The following STPG2 variants were observed in gnomAD, a reference collection of about 807,000 sequenced individuals.
STPG2 encodes the protein sperm-tail PG-rich repeat-containing protein 2.
Under a neutral mutation model 54.2 loss-of-function variants are expected in STPG2, and 56 were observed. The observed-to-expected ratio is 1.03, with a 90% CI of 0.83 to 1.29. STPG2 has a LOEUF of 1.29. Ranked by LOEUF, STPG2 falls within the 50% of genes most tolerant of loss-of-function variation. The probability of loss-of-function intolerance (pLI) is 0.00; values close to 1 mark genes in which losing one functional copy is unlikely to be tolerated. For synonymous variants in STPG2, 200 were observed against 181.8 expected (o/e 1.10, Z -0.81); for missense variants, 596 against 544.9 (o/e 1.09, Z -0.93).
intron 4 of STPG2, among the ~76,000 whole-genome samples, chr4:97,467,346 A>G (rs1383832976): frequency 6.6e-6 from 1 of 151,916 alleles, no homozygotes; most frequent in Non-Finnish European, 1.5e-5. Context: ...TAAATTCTTA[A>G]TCATATATTA....
At chr4:98,036,772 TG>T (rs1399409117) in intron 5 of STPG2, among the ~76,000 whole-genome samples, 1 of 152,068 alleles carries the variant, frequency 6.6e-6, no homozygotes. Context: ...AGTTTACCTA[TG>T]TAACAAACCT....
intron 9 of STPG2, among the ~76,000 whole-genome samples, chr4:97,724,759 G>C (rs765243115): frequency 6.6e-6 from 1 of 152,110 alleles, no homozygotes; most frequent in Non-Finnish European, 1.5e-5. Context: ...AGAAGGTGTG[G>C]TAATAGTAGG....
intron 6 of STPG2, among the ~76,000 whole-genome samples, chr4:97,975,580 A>G (rs941034833): frequency 6.6e-6 from 1 of 152,146 alleles, no homozygotes; most frequent in Non-Finnish European, 1.5e-5. Context: ...AAATACTTAA[A>G]CATTTGAGTA....
At chr4:98,077,952 T>C (rs2110113394) in intron 5 of STPG2, among the ~76,000 whole-genome samples, 1 of 152,310 alleles carries the variant, frequency 6.6e-6, no homozygotes, top group South Asian at 2.1e-4. Context: ...CTGGATAAAT[T>C]GAATGTCAAT....
chr4:97,966,148 G>A (rs553105187), intron 7 of STPG2, among the ~76,000 whole-genome samples: 11 of 152,242 alleles, frequency 7.2e-5, no homozygotes, highest in African/African-American at 2.2e-4. Flanking sequence ...AAGGTTAGAC[G>A]AATGGCTAAC....
intron 9 of STPG2, among the ~76,000 whole-genome samples, chr4:97,751,930 G>C (rs1187042031): frequency 6.6e-6 from 1 of 151,528 alleles, no homozygotes; most frequent in Non-Finnish European, 1.5e-5. Flanking sequence ...TTCCCACATT[G>C]GATCCCTATC....
intron 8 of STPG2, among the ~76,000 whole-genome samples, chr4:97,937,723 G>T (rs1732799768): frequency 6.6e-6 from 1 of 152,102 alleles, no homozygotes; most frequent in South Asian, 2.1e-4. Flanking sequence ...GTCACCTGAG[G>T]AGGCTGAAGA....
At chr4:97,470,752 G>A (rs1729904722) in intron 4 of STPG2, among the ~76,000 whole-genome samples, 1 of 152,068 alleles carries the variant, frequency 6.6e-6, no homozygotes, top group South Asian at 2.1e-4. Flanking sequence ...GATAATGTGA[G>A]ATGATAAAAT....
intron 9 of STPG2, among the ~76,000 whole-genome samples, chr4:97,715,584 A>G (rs932335528): frequency 8.5e-5 from 13 of 152,182 alleles, no homozygotes; most frequent in Admixed American, 4.6e-4. Context: ...ACTTCTATAA[A>G]TAAAGCTACA....
chr4:97,543,888 C>T (rs908554365), intron 4 of STPG2, among the ~76,000 whole-genome samples: 3 of 151,992 alleles, frequency 2.0e-5, no homozygotes, highest in Non-Finnish European at 2.9e-5. Flanking sequence ...CCTGGTAGAG[C>T]TCAAATATTT....
chr4:97,653,030 G>C (rs1414385589), intron 10 of STPG2, among the ~76,000 whole-genome samples: 1 of 151,876 alleles, frequency 6.6e-6, no homozygotes, highest in African/African-American at 2.4e-5. Flanking sequence ...AACAAAAGTA[G>C]AGACCTTAGT....
chr4:97,579,479 A>C (rs1450442040), intron 10 of STPG2, among the ~76,000 whole-genome samples: 3 of 152,012 alleles, frequency 2.0e-5, no homozygotes, highest in African/African-American at 4.8e-5. Flanking sequence ...TTTTCTGCTA[A>C]ATTTATTACT....
chr4:97,837,656 C>T (rs975963564), intron 9 of STPG2, among the ~76,000 whole-genome samples: 3 of 151,600 alleles, frequency 2.0e-5, no homozygotes, highest in African/African-American at 7.2e-5. Context: ...ATACAATATA[C>T]TGAGTCTAGA....
At chr4:97,767,550 A>G (rs140793656) in intron 9 of STPG2, among the ~76,000 whole-genome samples, 2 of 152,316 alleles carry the variant, frequency 1.3e-5, no homozygotes, top group African/African-American at 2.4e-5. Context: ...GGGAGGAAAT[A>G]AATATTACAT....
chr4:98,082,392 C>A (rs1304902350), intron 5 of STPG2, among the ~76,000 whole-genome samples: 1 of 143,836 alleles, frequency 7.0e-6, no homozygotes, highest in Non-Finnish European at 1.5e-5. Context: ...GAAACGTGTA[C>A]CTGGTCGCTT....
intron 9 of STPG2, among the ~76,000 whole-genome samples, chr4:97,817,086 C>T (rs1363847068): frequency 2.0e-5 from 3 of 149,582 alleles, no homozygotes; most frequent in African/African-American, 7.3e-5. Flanking sequence ...AAAGAACAGG[C>T]CCACATGCCA....
intron 9 of STPG2, among the ~76,000 whole-genome samples, chr4:97,717,486 G>C (rs1314577532): frequency 6.6e-6 from 1 of 152,040 alleles, no homozygotes; most frequent in Non-Finnish European, 1.5e-5. Context: ...TTAAGCTATA[G>C]GGCTGTCACT....
At chr4:97,686,500 C>T (rs534066396) in intron 10 of STPG2, among the ~76,000 whole-genome samples, 123 of 152,176 alleles carry the variant, frequency 8.1e-4, no homozygotes, top group African/African-American at 2.8e-3. Context: ...TTCACTTCCT[C>T]AGAGAAGAAT....
chr4:98,092,941 G>GT (rs1290902224), intron 5 of STPG2, among the ~76,000 whole-genome samples: 6 of 152,006 alleles, frequency 3.9e-5, no homozygotes, highest in Non-Finnish European at 8.8e-5. Context: ...GCAAATTTTC[G>GT]TATCTTGCCA....
Sources: gnomAD v4.1 joint callset for allele counts (sites outside exome capture counted in the v4.1 genomes callset) on GRCh38, gnomAD v4.1.1 for gene constraint, MANE v1.5 for transcripts, NCBI Gene and HGNC (gene_info 2026-07-23, HGNC 2026-07-21) for gene names.